NRXN1: variants seen among roughly 807,000 people sequenced by gnomAD.
The protein encoded by NRXN1 is neurexin 1, also known as neurexin-1.
In NRXN1, 39 loss-of-function variants were observed where a neutral mutation model predicts 150.9. The observed-to-expected ratio is 0.26, with a 90% confidence interval of 0.20 to 0.34. The LOEUF (loss-of-function observed/expected upper bound fraction) is 0.34, where lower values mean the gene tolerates loss of function less well. Among genes scored for constraint, NRXN1 ranks in the 10% least tolerant of loss-of-function variants. NRXN1 has a pLI of 1.00. For missense variants in NRXN1, 1,815 were observed against 1,949.9 expected (o/e 0.93, Z 1.30); for synonymous variants, 924 against 757.0 (o/e 1.22, Z -3.62).
chr2:49,957,427 C>T (rs1675173537), intron 21 of NRXN1, among the ~76,000 whole-genome samples: 1 of 152,064 alleles, frequency 6.6e-6, no homozygotes, highest in South Asian at 2.1e-4. Context: ...ATTCTCACCG[C>T]AATATGGAAA....
intron 21 of NRXN1, 53 bp downstream of exon 21, chr2:50,053,218 A>T: frequency 6.3e-7 from 1 of 1,578,756 alleles, no homozygotes; most frequent in Non-Finnish European, 8.7e-7. Flanking sequence ...AGAAAAGCCC[A>T]CTATCATAAA....
intron 17 of NRXN1, among the ~76,000 whole-genome samples, chr2:50,367,472 T>C (rs915818205): frequency 6.6e-6 from 1 of 151,978 alleles, no homozygotes; most frequent in Non-Finnish European, 1.5e-5. Flanking sequence ...TATTTATTTA[T>C]CTAGCAAATA....
chr2:50,020,168 G>A (rs901682625), intron 21 of NRXN1, among the ~76,000 whole-genome samples: 17 of 151,958 alleles, frequency 1.1e-4, no homozygotes, highest in Non-Finnish European at 2.1e-4. Flanking sequence ...AATTACTTAT[G>A]ATTTTGATTT....
At chr2:50,103,910 T>C (rs1701309107) in intron 18 of NRXN1, among the ~76,000 whole-genome samples, 1 of 152,020 alleles carries the variant, frequency 6.6e-6, no homozygotes, top group Non-Finnish European at 1.5e-5. Context: ...TACTGCTCCA[T>C]CACACTAGCT....
intron 2 of NRXN1, among the ~76,000 whole-genome samples, chr2:50,936,536 G>A (rs62142990): frequency 1.1e-4 from 16 of 152,296 alleles, no homozygotes; most frequent in Non-Finnish European, 2.1e-4. Flanking sequence ...AGTAAATGTA[G>A]CTTGTGGCAG....
At position 50,036,645 on chromosome 2, in the gene NRXN1, A is replaced by G. The variant is rs192541866; in HGVS notation, c.4128+16626T>C. Among the ~76,000 whole-genome samples the G allele has an allele frequency of 1.4e-3, 219 of 152,310 alleles. 1 individual carries two copies. The highest frequency in any genetic ancestry group is 4.8e-3 in the African/African-American group (198 of 41,554). ...TCTTAAGGTGTGATTAATTACAAAC[A>G]TGGCCAAAATTCTTGCAATTCCTCT... is the stretch of plus-strand genomic sequence containing the variant. On this transcript the variant is annotated intron_variant, in intron 21 of 22. Coordinates refer to ENST00000401669, the MANE Select transcript of NRXN1 (RefSeq NM_001330078.2).
At position 51,005,549 on chromosome 2, in the gene NRXN1, G is replaced by C. The variant is rs1192810322; in HGVS notation, c.772+21953C>G. ...GAATGGCCTTGCAAGAAATGTTTAA[G>C]AAAGTCTCACATATGGAAGTGAAAA... is the stretch of plus-strand genomic sequence containing the variant. On this transcript the variant is annotated intron_variant, in intron 2 of 22. Coordinates refer to ENST00000401669, the MANE Select transcript of NRXN1 (RefSeq NM_001330078.2). Among the ~76,000 whole-genome samples, 8 of 151,896 alleles carry C rather than the reference G, an allele frequency of 5.3e-5. No homozygotes were observed. The East Asian group carries it at 1.6e-3, about 30-fold the overall frequency.
chr2:50,610,101 A>G (rs893672886), intron 8 of NRXN1, among the ~76,000 whole-genome samples: 2 of 152,196 alleles, frequency 1.3e-5, no homozygotes, highest in Admixed American at 1.3e-4. Flanking sequence ...CCTTCCAAAC[A>G]TAAGGACTTT....
At chr2:51,001,240 G>GGGA (rs1558565252) in intron 2 of NRXN1, among the ~76,000 whole-genome samples, 11 of 132,322 alleles carry the variant, frequency 8.3e-5, no homozygotes, top group African/African-American at 3.1e-4. Context: ...GGGTTGGGGG[G>GGGA]GGGGGGCGTT....
chr2:50,294,338 T>C (rs939033343), intron 17 of NRXN1, among the ~76,000 whole-genome samples: 1 of 152,136 alleles, frequency 6.6e-6, no homozygotes, highest in Non-Finnish European at 1.5e-5. Flanking sequence ...TAAACAAAAA[T>C]AACAAATTAT....
At chr2:50,294,493 T>G (rs934723459) in intron 17 of NRXN1, among the ~76,000 whole-genome samples, 1 of 152,198 alleles carries the variant, frequency 6.6e-6, no homozygotes, top group Admixed American at 6.5e-5. Flanking sequence ...ATTTACTATA[T>G]GCTAAGAACT....
At position 49,920,977 on chromosome 2, in the gene NRXN1, T is replaced by TAAGC. The variant is rs1462839619; in HGVS notation, c.*966_*967insGCTT. 1 of 151,872 alleles carries TAAGC rather than the reference T, an allele frequency of 6.6e-6. No individual in the cohort carries two copies. Among genetic ancestry groups the TAAGC allele is most frequent in the Non-Finnish European group, 1.5e-5 (1 of 67,896 alleles). 9.4% of individuals were successfully genotyped at this position (151,872 alleles called of 1,614,324 possible). ...CTGTAATTTCTTTAAAAAATAAAAG[T>TAAGC]AATTGTGGCAATTTATAATGGTGGC... On this transcript the variant is annotated 3_prime_UTR_variant, in exon 23 of 23. Coordinates refer to ENST00000401669, the MANE Select transcript of NRXN1 (RefSeq NM_001330078.2).
At chr2:50,253,356 A>G (rs539518525) in intron 17 of NRXN1, among the ~76,000 whole-genome samples, 5 of 152,278 alleles carry the variant, frequency 3.3e-5, no homozygotes, top group Admixed American at 2.0e-4. Context: ...GTCGTCTGCA[A>G]ACAGAGACAG....
chr2:50,194,123 C>T (rs2061608921), intron 18 of NRXN1, among the ~76,000 whole-genome samples: 1 of 152,162 alleles, frequency 6.6e-6, no homozygotes, highest in African/African-American at 2.4e-5. Context: ...CCCAGGTGGT[C>T]TGGTTCTGAT....
At chr2:50,934,250 G>A (rs936490342) in intron 2 of NRXN1, among the ~76,000 whole-genome samples, 3 of 152,032 alleles carry the variant, frequency 2.0e-5, no homozygotes, top group African/African-American at 7.2e-5. Context: ...AAGTTAACGT[G>A]AATAGAAGAA....
chr2:51,027,852 T>C lies in NRXN1; in HGVS notation c.422A>G (p.Lys141Arg), dbSNP rs1413863750. ...CACCGTCATGTCCCTGCGCTTGGAC[T>C]TGACCTCCACCCACTTGGCCTCCAC... ...DQVEAKWVEVKSKRRDMTVFS... is the reference protein window; with the variant it reads ...DQVEAKWVEVRSKRRDMTVFS... The change falls in exon 2 of 23, where the codon AAG becomes AGG. Residue 141 changes from lysine (K) to arginine (R), a missense_variant. By Grantham distance (26) the Lys-to-Arg change is conservative (BLOSUM62 2). Around this residue, in one of 6 missense-constraint regions of NRXN1, gnomAD observed 554 missense variants for 478.8 expected, o/e 1.16. Transcript: ENST00000401669. 1.2e-6 allele frequency: 2 copies of C among 1,613,098 alleles called. No homozygotes were observed. The highest frequency in any genetic ancestry group is 1.3e-5 in the African/African-American group (1 of 74,912).
chr2:50,928,191 T>A (rs779377818), intron 2 of NRXN1, among the ~76,000 whole-genome samples: 1 of 151,854 alleles, frequency 6.6e-6, no homozygotes. Flanking sequence ...AGAAAAGTGG[T>A]CTGTCTCAGA....
At chr2:50,799,965 A>C (rs1707365665) in intron 5 of NRXN1, among the ~76,000 whole-genome samples, 1 of 152,178 alleles carries the variant, frequency 6.6e-6, no homozygotes, top group South Asian at 2.1e-4. Flanking sequence ...TTAAAAATTA[A>C]ATGTACTTAA....
chr2:50,789,721 T>C (rs1705662707), intron 5 of NRXN1, among the ~76,000 whole-genome samples: 1 of 152,168 alleles, frequency 6.6e-6, no homozygotes, highest in African/African-American at 2.4e-5. Context: ...ATAACTATTT[T>C]TTTTTAAAGG....
Sources: allele counts gnomAD v4.1 joint callset (sites outside exome capture counted in the v4.1 genomes callset), GRCh38; gene constraint gnomAD v4.1.1; regional missense constraint gnomAD v4.1.1; transcripts MANE v1.5; gene names NCBI Gene and HGNC (gene_info 2026-07-23, HGNC 2026-07-21).